Variants in APP observed in about 807,000 individuals in gnomAD.
APP encodes the protein amyloid-beta precursor protein.
A neutral mutation model predicts 101.4 loss-of-function variants in APP; 31 were observed. The observed-to-expected ratio is 0.31, with a 90% CI of 0.23 to 0.41. APP has a LOEUF of 0.41. Among genes scored for constraint, APP ranks in the 10% least tolerant of loss-of-function variants. The pLI is 1.00. For synonymous variants in APP, 366 were observed against 364.4 expected, an observed-to-expected ratio of 1.00 and a Z score of -0.05; for missense variants, 839 against 1,003.7, an observed-to-expected ratio of 0.84 and a Z score of 2.22.
At chr21:25,909,837 T>G (rs2038981290) in intron 14 of APP, among the ~76,000 whole-genome samples, 1 of 152,194 alleles carries the variant, frequency 6.6e-6, no homozygotes, top group Non-Finnish European at 1.5e-5. Context: ...TCTTTGATAA[T>G]GAACTGTCCC....
At chr21:25,897,362 C>A (rs946337836) in intron 16 of APP, among the ~76,000 whole-genome samples, 1 of 152,222 alleles carries the variant, frequency 6.6e-6, no homozygotes, top group Non-Finnish European at 1.5e-5. Context: ...GATCCACCCG[C>A]CTTGGCCTCC....
At chr21:26,047,411 C>T (rs953644072) in intron 5 of APP, among the ~76,000 whole-genome samples, 1 of 152,170 alleles carries the variant, frequency 6.6e-6, no homozygotes, top group African/African-American at 2.4e-5. Context: ...TTTCAAGTGT[C>T]AAAAGGAGGG....
chr21:25,909,604 C>A (rs1033482919), intron 14 of APP, among the ~76,000 whole-genome samples: 1 of 152,154 alleles, frequency 6.6e-6, no homozygotes, highest in Non-Finnish European at 1.5e-5. Context: ...TACATTCACA[C>A]GTGTGCACGC....
chr21:25,901,296 TAA>T (rs58481426), intron 15 of APP, among the ~76,000 whole-genome samples: 1 of 85,532 alleles, frequency 1.2e-5, no homozygotes, highest in African/African-American at 5.8e-5. Flanking sequence ...AATCCTGTTT[TAA>T]AAAAAAAAAA....
intron 13 of APP, among the ~76,000 whole-genome samples, 188 bp downstream of exon 13, chr21:25,954,402 A>T (rs538513685): frequency 6.6e-6 from 1 of 152,372 alleles, no homozygotes; most frequent in South Asian, 2.1e-4. Context: ...CAGTCTTACA[A>T]GTATGGAGAG....
chr21:26,001,623 C>T (rs2043299023), intron 6 of APP, among the ~76,000 whole-genome samples: 1 of 152,200 alleles, frequency 6.6e-6, no homozygotes, highest in Non-Finnish European at 1.5e-5. Flanking sequence ...CTCAGCCTCC[C>T]AAGTAGCTGG....
chr21:26,000,779 T>C (rs2043258243), intron 6 of APP, among the ~76,000 whole-genome samples: 3 of 152,080 alleles, frequency 2.0e-5, no homozygotes, highest in Admixed American at 2.0e-4. Flanking sequence ...TTCATTTGTA[T>C]ATTAAGATAT....
intron 2 of APP, among the ~76,000 whole-genome samples, chr21:26,111,710 C>CT (rs1330935724): frequency 6.6e-6 from 1 of 151,916 alleles, no homozygotes; most frequent in Non-Finnish European, 1.5e-5. Context: ...GCACTCCAAC[C>CT]TGGGTGACAG....
intron 14 of APP, among the ~76,000 whole-genome samples, chr21:25,905,772 G>A (rs1398135453): frequency 6.6e-6 from 1 of 152,074 alleles, no homozygotes; most frequent in African/African-American, 2.4e-5. Flanking sequence ...TGTGTTCTGG[G>A]TCCGACCCAA....
chr21:25,942,868 C>T (rs2040636041), intron 13 of APP, among the ~76,000 whole-genome samples: 2 of 151,982 alleles, frequency 1.3e-5, no homozygotes, highest in Non-Finnish European at 2.9e-5. Flanking sequence ...ATGTGATGGA[C>T]GATGCATCAC....
intron 1 of APP, among the ~76,000 whole-genome samples, chr21:26,129,463 C>T (rs574021588): frequency 6.7e-6 from 1 of 149,378 alleles, no homozygotes; most frequent in South Asian, 2.1e-4. Flanking sequence ...AGTGAGACTC[C>T]GTTTCAAAAA....
intron 1 of APP, chr21:26,140,082 G>T: frequency 8.8e-7 from 1 of 1,134,738 alleles, no homozygotes; most frequent in Non-Finnish European, 1.3e-6. Context: ...AGATATTACT[G>T]TCTGAGAACA....
chr21:26,032,649 C>T (rs1395884930), intron 5 of APP, among the ~76,000 whole-genome samples: 2 of 152,290 alleles, frequency 1.3e-5, no homozygotes, highest in African/African-American at 2.4e-5. Context: ...GAGTTAAATA[C>T]TGTGCCTATT....
At chr21:25,942,878 C>T (rs1404165912) in intron 13 of APP, among the ~76,000 whole-genome samples, 9 of 152,072 alleles carry the variant, frequency 5.9e-5, no homozygotes, top group Non-Finnish European at 8.8e-5. Flanking sequence ...CGATGCATCA[C>T]GGCCATCCAT....
intron 1 of APP, among the ~76,000 whole-genome samples, chr21:26,123,670 G>T (rs1225577480): frequency 6.6e-6 from 1 of 152,186 alleles, no homozygotes; most frequent in Non-Finnish European, 1.5e-5. Flanking sequence ...AATTCTGAAG[G>T]GGAGGTAGCA....
Position 26,154,172 on chromosome 21 carries a change from A to C in APP, c.57+16392T>G, listed in dbSNP as rs946079229. The stretch of plus-strand genomic sequence containing the variant: ...GGTAAGAACTATGGGCACACACACA[A>C]TAAGCCTTCCAAAACAAGGGGAGGT... On this transcript the variant is annotated intron_variant, in intron 1 of 17. Transcript: ENST00000346798. Among the ~76,000 whole-genome samples, 7 of 152,200 alleles carry C rather than the reference A, an allele frequency of 4.6e-5. No individual in the cohort carries two copies. The South Asian group carries it at 1.0e-3, about 23-fold the overall frequency.
At chr21:25,884,707 T>C (rs879640523) in intron 17 of APP, among the ~76,000 whole-genome samples, 1 of 152,224 alleles carries the variant, frequency 6.6e-6, no homozygotes, top group African/African-American at 2.4e-5. Context: ...AAAAAAATTA[T>C]CTTGCTTAGG....
chr21:26,150,063 A>C (rs2146338097), intron 1 of APP, among the ~76,000 whole-genome samples: 1 of 152,266 alleles, frequency 6.6e-6, no homozygotes, highest in East Asian at 1.9e-4. Flanking sequence ...AAAAAACACA[A>C]ATTTTATTTA....
rs531467789 is a variant in APP at position 26,010,116 on chromosome 21, C to T, written c.866-9934G>A. Among the ~76,000 whole-genome samples the T allele has an allele frequency of 2.0e-5, 3 of 151,632 alleles. No homozygotes were observed. In the East Asian group the frequency reaches 5.8e-4, roughly 29 times the overall value. ...TAGCAGGCAAAGAACCTACAGATTC[C>T]AGCTGGGAACAGCAGTGTCTCTGGT... is the stretch of plus-strand genomic sequence containing the variant. On this transcript the variant is annotated intron_variant, in intron 6 of 17. Coordinates refer to ENST00000346798, the MANE Select transcript of APP (RefSeq NM_000484.4).
Sources: gnomAD v4.1 joint callset for allele counts (sites outside exome capture counted in the v4.1 genomes callset) on GRCh38, gnomAD v4.1.1 for gene constraint, MANE v1.5 for transcripts, NCBI Gene and HGNC (gene_info 2026-07-23, HGNC 2026-07-21) for gene names.